Variants in SFI1 observed in about 807,000 individuals in gnomAD.
SFI1 encodes SFI1 centrin binding protein, also known as protein SFI1 homolog.
In SFI1, 195 loss-of-function variants were observed where a neutral mutation model predicts 207.5. That is an observed-to-expected ratio of 0.94 (90% CI 0.84 to 1.06). The LOEUF is 1.06. SFI1 is among the 50% of genes least tolerant of loss of function. The probability of loss-of-function intolerance (pLI) is 0.00; values close to 1 mark genes in which losing one functional copy is unlikely to be tolerated. For missense variants in SFI1, 1,634 were observed against 1,588.0 expected (o/e 1.03, Z -0.49); for synonymous variants, 630 against 598.9 (o/e 1.05, Z -0.76).
chr22:31,617,092 A>G lies in SFI1; in HGVS notation c.3512+14A>G. On this transcript the variant is annotated intron_variant, in intron 31 of 32. Transcript: ENST00000400288. ...GCAGAACCTCTGGTGAGCCCTGCGA[A>G]ACGCCCTGCAGCCCTGGCTACAGGA... is the stretch of plus-strand genomic sequence containing the variant. 6.2e-7 allele frequency: 1 copy of G among 1,613,710 alleles called. No individual in the cohort carries two copies. The highest frequency in any genetic ancestry group is 8.5e-7 in the Non-Finnish European group (1 of 1,179,898).
Position 31,606,329 on chromosome 22 carries a change from G to A in SFI1, c.2056G>A (p.Gly686Arg), listed in dbSNP as rs770120072. The A allele has an allele frequency of 2.7e-5, 44 of 1,613,584 alleles. No individual in the cohort carries two copies. The highest frequency in any genetic ancestry group is 2.5e-4 in the Admixed American group (15 of 59,994). Reference sequence around the variant, plus strand: ...TTCCTCGCACCCATGCATCTGCAGCGGGGCATTACGTCGCTGGAAAGAGAA... The same window carrying A: ...TTCCTCGCACCCATGCATCTGCAGCAGGGCATTACGTCGCTGGAAAGAGAA... The part of the protein sequence containing the change: ...ESQHNRQLLR[G>R]ALRRWKENTM... The change falls in exon 21 of 33, where the codon GGG (glycine) becomes AGG (arginine). Residue 686 changes from glycine to arginine, a missense_variant and splice_region_variant. Transcript: ENST00000400288.
chr22:31,508,783 A>ACT (rs1372796059), intron 2 of SFI1, among the ~76,000 whole-genome samples: 1 of 151,376 alleles, frequency 6.6e-6, no homozygotes, highest in Non-Finnish European at 1.5e-5. Flanking sequence ...CCTCTGTATA[A>ACT]CTCTCCCTTT....
In SFI1 at chr22:31,588,674, G is replaced by A. The variant is rs1270491281; in HGVS notation, c.1414-773G>A. Among the ~76,000 whole-genome samples the A allele has an allele frequency of 3.9e-5, 6 of 152,106 alleles. No individual in the cohort carries two copies. In the South Asian group the frequency reaches 1.2e-3, roughly 32 times the overall value. ...CTAAAAATACAAAAATTAGCTGGGCGTGGTGGCGCACGCCTGTAGTCCCAG... is the reference window on the plus strand; with the variant it reads ...CTAAAAATACAAAAATTAGCTGGGCATGGTGGCGCACGCCTGTAGTCCCAG... On this transcript the variant is annotated intron_variant, in intron 14 of 32. Coordinates refer to ENST00000400288, the MANE Select transcript of SFI1 (RefSeq NM_001007467.3).
At chr22:31,513,561 C>CGTTTTGTTTTTTGTTTT (rs2055960156) in intron 2 of SFI1, among the ~76,000 whole-genome samples, 2 of 146,008 alleles carry the variant, frequency 1.4e-5, no homozygotes, top group Admixed American at 6.9e-5. Flanking sequence ...TTTGGTTTTT[C>CGTTTTGTTTTTTGTTTT]GTTTTGTTTT....
In SFI1 at chr22:31,607,911, T is replaced by C. The variant is rs780266694; in HGVS notation, c.2158-26T>C. 5.0e-6 allele frequency: 8 copies of C among 1,609,576 alleles called. No homozygotes were observed. In the South Asian group the frequency reaches 5.5e-5, roughly 11 times the overall value. On this transcript the variant is annotated intron_variant, in intron 21 of 32. Transcript: ENST00000400288. ...CGGAAGCCAGGAGGTATAGTGACTC[T>C]TGCTGTGCTCCTTGCCTGCCCATAG... is the stretch of plus-strand genomic sequence containing the variant.
chr22:31,595,686 G>A (rs1230200748), intron 15 of SFI1, among the ~76,000 whole-genome samples: 2 of 152,360 alleles, frequency 1.3e-5, no homozygotes, highest in East Asian at 3.9e-4. Context: ...CTCAGAGCTA[G>A]TGCTGAGGGA....
intron 15 of SFI1, among the ~76,000 whole-genome samples, chr22:31,597,344 T>A (rs1403085377): frequency 1.3e-5 from 2 of 152,204 alleles, no homozygotes; most frequent in Non-Finnish European, 2.9e-5. Flanking sequence ...AGGCCTGATC[T>A]AGATTTTTAC....
At chr22:31,552,425 G>A (rs1384832742) in intron 6 of SFI1, among the ~76,000 whole-genome samples, 1 of 151,980 alleles carries the variant, frequency 6.6e-6, no homozygotes, top group Non-Finnish European at 1.5e-5. Context: ...ACTAATTTTT[G>A]TATTTTTAGT....
chr22:31,552,846 C>CT lies in SFI1; in HGVS notation c.544+2509dup, dbSNP rs920931699. 4.4e-3 allele frequency among the ~76,000 whole-genome samples: 651 copies of CT among 146,912 alleles called. 3 individuals are homozygous for CT. The highest frequency in any genetic ancestry group is 0.013 in the African/African-American group (535 of 40,356). The stretch of plus-strand genomic sequence containing the variant: ...GTGCATGCCAACATCTGTTATTAAA[C>CT]TTTTTTTTTTTAAAGACAGGGGATG... On this transcript the variant is annotated intron_variant, in intron 6 of 32. Coordinates refer to ENST00000400288, the MANE Select transcript of SFI1 (RefSeq NM_001007467.3).
intron 2 of SFI1, among the ~76,000 whole-genome samples, chr22:31,525,376 C>T (rs1264252006): frequency 1.3e-5 from 2 of 152,076 alleles, no homozygotes; most frequent in African/African-American, 2.4e-5. Context: ...ACTCACTTTT[C>T]CCAGCACCAT....
At chr22:31,608,876 C>T (rs1236981414) in intron 22 of SFI1, among the ~76,000 whole-genome samples, 1 of 152,080 alleles carries the variant, frequency 6.6e-6, no homozygotes, top group Non-Finnish European at 1.5e-5. Context: ...CACAGTGGTA[C>T]ACACCTATAG....
intron 11 of SFI1, among the ~76,000 whole-genome samples, chr22:31,579,434 G>T (rs1269614829): frequency 6.6e-6 from 1 of 151,850 alleles, no homozygotes; most frequent in Non-Finnish European, 1.5e-5. Flanking sequence ...TCCTGCCTCA[G>T]CCTCCCGAGT....
intron 9 of SFI1, 100 bp from the exon 10 acceptor site, chr22:31,575,131 C>A: frequency 1.5e-5 from 15 of 993,976 alleles, no homozygotes; most frequent in Non-Finnish European, 2.0e-5. Flanking sequence ...TGGCCTTGAA[C>A]CCCTGCTCTC....
At chr22:31,531,181 C>T in intron 4 of SFI1, 52 bp downstream of exon 4, 1 of 1,455,128 alleles carries the variant, frequency 6.9e-7, no homozygotes, top group East Asian at 2.3e-5. Flanking sequence ...CTAGGGTTTT[C>T]TTTTATATTA....
At chr22:31,615,609 G>C in intron 29 of SFI1, 1 of 256,034 alleles carries the variant, frequency 3.9e-6, no homozygotes, top group South Asian at 1.7e-4. Context: ...AGAAGAGTAG[G>C]AAGTCGGGGA....
intron 15 of SFI1, among the ~76,000 whole-genome samples, chr22:31,594,593 T>C (rs112253404): frequency 0.057 from 8,205 of 143,672 alleles, 212 homozygotes; most frequent in Middle Eastern, 0.07. Context: ...TGGTGGCTCA[T>C]GTCTGTAATC....
At chr22:31,567,367 C>A (rs1602893333) in intron 8 of SFI1, among the ~76,000 whole-genome samples, 2 of 152,198 alleles carry the variant, frequency 1.3e-5, no homozygotes, top group South Asian at 4.2e-4. Flanking sequence ...TAACAGGGAG[C>A]CAGAACGCAG....
At chr22:31,582,088 C>T (rs1254438527) in intron 12 of SFI1, among the ~76,000 whole-genome samples, 1 of 150,104 alleles carries the variant, frequency 6.7e-6, no homozygotes, top group Non-Finnish European at 1.5e-5. Context: ...TTAAGGATCA[C>T]TAACTCCATT....
At chr22:31,509,886 G>A (rs1463554132) in intron 2 of SFI1, among the ~76,000 whole-genome samples, 2 of 151,974 alleles carry the variant, frequency 1.3e-5, no homozygotes, top group Non-Finnish European at 2.9e-5. Context: ...CTATTTTCTG[G>A]AAGAGTTTAT....
Sources: gnomAD v4.1 joint callset for allele counts (sites outside exome capture counted in the v4.1 genomes callset) on GRCh38, gnomAD v4.1.1 for gene constraint, MANE v1.5 for transcripts, NCBI Gene and HGNC (gene_info 2026-07-23, HGNC 2026-07-21) for gene names.